Variants in NEDD4L observed in about 807,000 individuals in gnomAD.
NEDD4L encodes NEDD4 like E3 ubiquitin protein ligase, also known as E3 ubiquitin-protein ligase NEDD4-like.
Under a neutral mutation model 148.9 loss-of-function variants are expected in NEDD4L, and 54 were observed. The ratio of observed to expected loss-of-function variants is 0.36; its 90% CI spans 0.29 to 0.45. NEDD4L has a LOEUF of 0.45. Ranked by LOEUF, NEDD4L falls within the 20% of genes least tolerant of loss-of-function variation. NEDD4L has a pLI of 1.00. For missense variants in NEDD4L, 856 were observed against 1,233.8 expected (o/e 0.69, Z 4.59); for synonymous variants, 433 against 440.7 (o/e 0.98, Z 0.22).
At chr18:58,357,366 G>T (rs1321651300) in intron 19 of NEDD4L, 114 bp downstream of exon 19, 3 of 967,984 alleles carry the variant, frequency 3.1e-6, no homozygotes, top group East Asian at 2.4e-5. Flanking sequence ...TTGAGTAGTT[G>T]ACTAGAAACA....
At chr18:58,388,014 A>G (rs771921677) in intron 27 of NEDD4L, 4 of 152,690 alleles carry the variant, frequency 2.6e-5, no homozygotes, top group African/African-American at 4.8e-5. Flanking sequence ...ACGACGTCTC[A>G]TTGAACTTGA....
At chr18:58,071,355 AAAG>A (rs1313973799) in intron 1 of NEDD4L, among the ~76,000 whole-genome samples, 1 of 152,178 alleles carries the variant, frequency 6.6e-6, no homozygotes, top group East Asian at 1.9e-4. Flanking sequence ...GAATGGGAAT[AAAG>A]AAGTAGAGAT....
chr18:58,364,275 C>A lies in NEDD4L; in HGVS notation c.1775C>A (p.Pro592His). The A allele has an allele frequency of 6.5e-7, 1 of 1,549,030 alleles. No homozygotes were observed. Among genetic ancestry groups the A allele is most frequent in the South Asian group, 1.2e-5 (1 of 83,496 alleles). ...QNPAITGPAV[P>H]YSREFKQKYD... The stretch of plus-strand genomic sequence containing the variant: ...TATAAATTTATCTTCCAGGCTGTCC[C>A]TTACTCCAGAGAATTTAAGCAGAAA... The change falls in exon 20 of 31, where the codon CCT (proline) becomes CAT (histidine). Residue 592 changes from proline (P) to histidine (H), a missense_variant. Pro to His is a moderately conservative substitution (Grantham distance 77). This residue lies in a region of NEDD4L where 286 missense variants were observed against 531.8 expected (regional missense o/e 0.54). Coordinates refer to ENST00000400345, the MANE Select transcript of NEDD4L (RefSeq NM_001144967.3).
chr18:58,281,852 C>T lies in NEDD4L; in HGVS notation c.297+29798C>T, dbSNP rs565995544. 5.9e-5 allele frequency among the ~76,000 whole-genome samples: 9 copies of T among 151,584 alleles called. No homozygotes were observed. The South Asian group carries it at 1.9e-3, about 32-fold the overall frequency. The stretch of plus-strand genomic sequence containing the variant: ...CGTCCTGGCTAACATTGTGGAAGCC[C>T]ATCTCTACTAAAAATACAAAAAATT... On this transcript the variant is annotated intron_variant, in intron 5 of 30. Transcript: ENST00000400345.
chr18:58,160,927 C>T (rs1414828893), intron 1 of NEDD4L, among the ~76,000 whole-genome samples: 1 of 152,174 alleles, frequency 6.6e-6, no homozygotes, highest in African/African-American at 2.4e-5. Flanking sequence ...CTACATGTTA[C>T]ATAAGAGAAC....
Position 58,396,295 on chromosome 18 carries a change from T to G in NEDD4L, c.*26T>G. On this transcript the variant is annotated 3_prime_UTR_variant, in exon 31 of 31. Coordinates refer to ENST00000400345, the MANE Select transcript of NEDD4L (RefSeq NM_001144967.3). ...GCACCCTGTGCCTCGGGGGTGGTTG[T>G]TCTTCAAGCAAGTTCTGCTTGCACT... 1 of 1,498,658 alleles carries G rather than the reference T, an allele frequency of 6.7e-7. No homozygotes were observed. 92.8% of individuals were successfully genotyped at this position (1,498,658 alleles called of 1,614,324 possible). A position where few individuals can be genotyped will look rare whatever the true frequency, so the allele number is the denominator to read the frequency against.
At chr18:58,151,789 G>A (rs1251348898) in intron 1 of NEDD4L, among the ~76,000 whole-genome samples, 4 of 152,038 alleles carry the variant, frequency 2.6e-5, no homozygotes, top group Non-Finnish European at 5.9e-5. Flanking sequence ...GGATGGGGTC[G>A]GTGAGGTGGG....
chr18:58,256,204 G>A lies in NEDD4L; in HGVS notation c.297+4150G>A. On this transcript the variant is annotated intron_variant, in intron 5 of 30. Coordinates refer to ENST00000400345, the MANE Select transcript of NEDD4L (RefSeq NM_001144967.3). The surrounding 1 kb of genome is among the most constrained non-coding windows in gnomAD (Gnocchi z 5.2). ...TGGACTGCGCGGAGGAGGCTGCCCC[G>A]GGCCTGCGCATCCAGCACCGCGCCT... 1 of 1,219,980 alleles carries A rather than the reference G, an allele frequency of 8.2e-7. No individual in the cohort carries two copies. Among genetic ancestry groups the A allele is most frequent in the Non-Finnish European group, 1.0e-6 (1 of 980,492 alleles). The allele number at this position is 1,219,980 out of a possible 1,614,324, so 75.6% of individuals were successfully genotyped here.
chr18:58,126,147 AT>A (rs1305273830), intron 1 of NEDD4L, among the ~76,000 whole-genome samples: 1 of 152,228 alleles, frequency 6.6e-6, no homozygotes, highest in Non-Finnish European at 1.5e-5. Context: ...TCAAATTCAC[AT>A]CTCTTACAAT....
At chr18:58,118,797 C>A (rs2086029194) in intron 1 of NEDD4L, among the ~76,000 whole-genome samples, 2 of 152,194 alleles carry the variant, frequency 1.3e-5, no homozygotes, top group Admixed American at 6.5e-5. Flanking sequence ...CCAGTGAAGG[C>A]CCCTGTGTCC....
At chr18:58,283,512 G>A (rs1459426229) in intron 5 of NEDD4L, among the ~76,000 whole-genome samples, 2 of 152,184 alleles carry the variant, frequency 1.3e-5, no homozygotes, top group Non-Finnish European at 2.9e-5. Context: ...CAGAGGAGGA[G>A]AGAGATATGC....
chr18:58,159,087 C>T (rs1450135807), intron 1 of NEDD4L, among the ~76,000 whole-genome samples: 1 of 151,762 alleles, frequency 6.6e-6, no homozygotes, highest in Admixed American at 6.6e-5. Context: ...GTTGTGGGAC[C>T]CAACATTAAG....
At chr18:58,305,063 C>T (rs1294877008) in intron 5 of NEDD4L, among the ~76,000 whole-genome samples, 1 of 152,206 alleles carries the variant, frequency 6.6e-6, no homozygotes, top group Non-Finnish European at 1.5e-5. Context: ...AATGCACCAT[C>T]TTCTGCATCC....
intron 2 of NEDD4L, among the ~76,000 whole-genome samples, chr18:58,186,628 CTT>C (rs1285086262): frequency 6.6e-6 from 1 of 152,156 alleles, no homozygotes; most frequent in East Asian, 1.9e-4. Context: ...ATCAATCACT[CTT>C]AGGAGGTAAG....
chr18:58,125,469 AATAG>A (rs1406283121), intron 1 of NEDD4L, among the ~76,000 whole-genome samples: 2 of 151,880 alleles, frequency 1.3e-5, no homozygotes, highest in African/African-American at 4.8e-5. Flanking sequence ...CAGTCTTTGG[AATAG>A]TCAGAGCGAT....
chr18:58,080,248 C>T (rs57080462), intron 1 of NEDD4L, among the ~76,000 whole-genome samples: 6 of 152,324 alleles, frequency 3.9e-5, no homozygotes, highest in African/African-American at 1.4e-4. Flanking sequence ...GATGGGGAGC[C>T]CACCTGGGTG....
In NEDD4L at chr18:58,165,870, G is replaced by C. The variant is rs115907798; in HGVS notation, c.122+9G>C. ...GACATCTTTGGAGCCAGGTATGTTG[G>C]CTTTGTTTTTATTTCTGTGGACTTC... On this transcript the variant is annotated intron_variant, in intron 2 of 30. Transcript: ENST00000400345. 334 of 1,599,138 alleles carry C rather than the reference G, an allele frequency of 2.1e-4. 1 individual carries two copies. In the African/African-American group the frequency reaches 4.1e-3, roughly 19 times the overall value.
At chr18:58,274,461 C>T (rs1322695156) in intron 5 of NEDD4L, among the ~76,000 whole-genome samples, 1 of 152,164 alleles carries the variant, frequency 6.6e-6, no homozygotes, top group Non-Finnish European at 1.5e-5. Context: ...CAGCCATGCA[C>T]AGGTTGTGTA....
intron 5 of NEDD4L, among the ~76,000 whole-genome samples, chr18:58,293,549 C>G (rs73961561): frequency 4.0e-4 from 61 of 152,304 alleles, no homozygotes; most frequent in African/African-American, 1.4e-3. Context: ...AATCCATCAA[C>G]CATGCGCTAT....
Sources: gnomAD v4.1 joint callset for allele counts (sites outside exome capture counted in the v4.1 genomes callset) on GRCh38, gnomAD v4.1.1 for gene constraint, gnomAD v4.1.1 regional missense constraint, Gnocchi (gnomAD v3.1) non-coding constraint, MANE v1.5 for transcripts, NCBI Gene and HGNC (gene_info 2026-07-23, HGNC 2026-07-21) for gene names.